Variants in CLMN observed in about 807,000 individuals in gnomAD.
CLMN encodes the protein calmin, also known as calmin (calponin-like, transmembrane).
A neutral mutation model predicts 92.7 loss-of-function variants in CLMN; 57 were observed. The observed-to-expected ratio is 0.61, with a 90% CI of 0.50 to 0.77. The LOEUF (loss-of-function observed/expected upper bound fraction) is 0.77. Among genes scored for constraint, CLMN ranks in the 30% least tolerant of loss-of-function variants. CLMN has a pLI of 0.00. For synonymous variants in CLMN, 466 were observed against 470.6 expected (o/e 0.99, Z 0.13); for missense variants, 1,158 against 1,237.5 (o/e 0.94, Z 0.96).
chr14:95,242,748 T>A (rs1372748958), intron 1 of CLMN, among the ~76,000 whole-genome samples: 1 of 151,562 alleles, frequency 6.6e-6, no homozygotes, highest in Non-Finnish European at 1.5e-5. Flanking sequence ...TTTGTATTTT[T>A]AGTAGAGACA....
intron 1 of CLMN, among the ~76,000 whole-genome samples, chr14:95,264,601 C>T (rs191871642): frequency 5.9e-5 from 9 of 152,242 alleles, no homozygotes; most frequent in African/African-American, 1.9e-4. Context: ...TCCAGGCCTC[C>T]CAGGGTCCAT....
intron 9 of CLMN, among the ~76,000 whole-genome samples, chr14:95,199,670 A>C (rs1403032477): frequency 1.3e-5 from 2 of 152,228 alleles, no homozygotes; most frequent in Non-Finnish European, 2.9e-5. Context: ...TAAGCACTCA[A>C]GGAGAGATTG....
At chr14:95,214,864 G>A (rs1335124539) in intron 5 of CLMN, among the ~76,000 whole-genome samples, 1 of 152,078 alleles carries the variant, frequency 6.6e-6, no homozygotes, top group Non-Finnish European at 1.5e-5. Flanking sequence ...TGCCCGTGTG[G>A]ATCACTTTCA....
intron 1 of CLMN, among the ~76,000 whole-genome samples, chr14:95,258,941 GTGAA>G (rs540695965): frequency 5.9e-4 from 90 of 151,328 alleles, no homozygotes; most frequent in Non-Finnish European, 1.1e-3. Context: ...TGGTTTGTGA[GTGAA>G]TGGAGTATGT....
At chr14:95,245,210 A>ATATATATATATAT (rs1369585311) in intron 1 of CLMN, among the ~76,000 whole-genome samples, 1,766 of 24,048 alleles carry the variant, frequency 0.073, 170 homozygotes, top group South Asian at 0.1. Flanking sequence ...TATATATATT[A>ATATATATATATAT]TATATATATA....
intron 1 of CLMN, among the ~76,000 whole-genome samples, chr14:95,258,649 G>A (rs565404039): frequency 2.1e-5 from 3 of 140,430 alleles, no homozygotes; most frequent in South Asian, 2.2e-4. Flanking sequence ...TGTGTGTGTG[G>A]AGGGTGTGTG....
Position 95,196,668 on chromosome 14 carries a change from G to C in CLMN, c.2538C>G (p.Asn846Lys). The C allele has an allele frequency of 1.2e-6, 2 of 1,613,162 alleles. No homozygotes were observed. Among genetic ancestry groups the C allele is most frequent in the South Asian group, 1.1e-5 (1 of 90,960 alleles). The part of the protein sequence containing the change: ...HQSQESPNLE[N>K]IANPLEENVT... ...CATTTTCTTCTAGGGGGTTTGCTATGTTTTCCAGGTTTGGGGATTCCTGGG... is the reference window on the plus strand; with the variant it reads ...CATTTTCTTCTAGGGGGTTTGCTATCTTTTCCAGGTTTGGGGATTCCTGGG... Residue 846 changes from asparagine (N) to lysine (K), a missense_variant, in exon 10 of 13, where the codon AAC (asparagine) becomes AAG (lysine). By Grantham distance (94) the Asn-to-Lys change is moderately conservative. Coordinates refer to ENST00000298912, the MANE Select transcript of CLMN (RefSeq NM_024734.4).
intron 2 of CLMN, among the ~76,000 whole-genome samples, chr14:95,225,274 A>G (rs754669435): frequency 2.6e-5 from 4 of 152,120 alleles, no homozygotes; most frequent in Non-Finnish European, 5.9e-5. Flanking sequence ...GACACACCTG[A>G]GTTCAAAGCC....
intron 1 of CLMN, among the ~76,000 whole-genome samples, chr14:95,269,975 C>T (rs182424832): frequency 4.0e-5 from 6 of 151,324 alleles, no homozygotes; most frequent in Middle Eastern, 3.4e-3. Context: ...GTTAAACCAC[C>T]GCGATTCGGA....
chr14:95,276,606 T>C (rs8019043), intron 1 of CLMN, among the ~76,000 whole-genome samples: 32,778 of 152,010 alleles, frequency 0.22, 4,059 homozygotes, highest in African/African-American at 0.34. Context: ...ACTTTTCTCT[T>C]TCTTTCTTTC....
intron 2 of CLMN, among the ~76,000 whole-genome samples, chr14:95,224,079 C>T (rs1276179326): frequency 6.6e-6 from 1 of 152,224 alleles, no homozygotes; most frequent in Non-Finnish European, 1.5e-5. Flanking sequence ...AGAAGATTCA[C>T]CAAGAGGGGG....
intron 1 of CLMN, among the ~76,000 whole-genome samples, chr14:95,270,609 GT>G (rs148069773): frequency 0.023 from 3,477 of 152,204 alleles, 151 homozygotes; most frequent in African/African-American, 0.08. Context: ...CGTTTTCAAG[GT>G]TTATCCATGG....
rs141378825 is a variant in CLMN at position 95,258,190 on chromosome 14, A to G, written c.83-28057T>C. ...GTATATGTGGGGTGTGTGTATATGT[A>G]TGCATAGTGCATATGATGTGGTGTG... On this transcript the variant is annotated intron_variant, in intron 1 of 12. Coordinates refer to ENST00000298912, the MANE Select transcript of CLMN (RefSeq NM_024734.4). Among the ~76,000 whole-genome samples, 538 of 151,386 alleles carry G rather than the reference A, an allele frequency of 3.6e-3. 2 individuals are homozygous for G. The highest frequency in any genetic ancestry group is 6.3e-3 in the Non-Finnish European group (425 of 67,838).
intron 1 of CLMN, among the ~76,000 whole-genome samples, chr14:95,248,581 AG>A (rs1261337356): frequency 6.6e-6 from 1 of 152,242 alleles, no homozygotes; most frequent in Non-Finnish European, 1.5e-5. Context: ...GGAAATCATT[AG>A]CAGAAGTATT....
chr14:95,215,813 CTCTGTGTGTGTGTGTGTG>C lies in CLMN; in HGVS notation c.325-98_325-81del, dbSNP rs878959984. 3,560 of 847,914 alleles carry C rather than the reference CTCTGTGTGTGTGTGTGTG, an allele frequency of 4.2e-3. 40 individuals carry two copies. Among genetic ancestry groups the C allele is most frequent in the South Asian group, 9.2e-3 (627 of 68,172 alleles). 52.5% of individuals were successfully genotyped at this position (847,914 alleles called of 1,614,324 possible). Reference sequence around the variant, plus strand: ...TGTTATTTTCTGGTTCTCTCTCTCTCTCTGTGTGTGTGTGTGTGTGTGTGTGTGTGTGTGTGTGTGTGT... The same window carrying C: ...TGTTATTTTCTGGTTCTCTCTCTCTCTGTGTGTGTGTGTGTGTGTGTGTGT... On this transcript the variant is annotated intron_variant, in intron 4 of 12. Coordinates refer to ENST00000298912, the MANE Select transcript of CLMN (RefSeq NM_024734.4).
intron 1 of CLMN, among the ~76,000 whole-genome samples, chr14:95,311,890 C>T (rs1432364391): frequency 6.6e-6 from 1 of 152,076 alleles, no homozygotes; most frequent in Non-Finnish European, 1.5e-5. Flanking sequence ...CATTCTCTGG[C>T]CTCCTGGGTA....
rs753485202 is a variant in CLMN, at chr14:95,191,520, C to T, written c.*44G>A. On this transcript the variant is annotated 3_prime_UTR_variant, in exon 13 of 13. Transcript: ENST00000298912. The surrounding 1 kb of genome is among the most constrained non-coding windows in gnomAD (Gnocchi z 5.3). ...CCCAAAATAAAATGAAGTAACCCCG[C>T]CCCTGGTCAGGGTCCTGTCTTTTTT... The T allele has an allele frequency of 1.3e-5, 20 of 1,539,582 alleles. No individual in the cohort carries two copies. Among genetic ancestry groups the T allele is most frequent in the African/African-American group, 5.6e-5 (4 of 71,806 alleles).
chr14:95,255,404 AG>A (rs1422191513), intron 1 of CLMN, among the ~76,000 whole-genome samples: 1 of 152,170 alleles, frequency 6.6e-6, no homozygotes, highest in East Asian at 1.9e-4. Flanking sequence ...CTTTCATTAC[AG>A]GGTCTTGTTA....
At chr14:95,196,366 T>TCTCG in intron 10 of CLMN, 132 bp downstream of exon 10, 1 of 871,346 alleles carries the variant, frequency 1.1e-6, no homozygotes, top group Non-Finnish European at 1.7e-6. Context: ...GAATGAGGAT[T>TCTCG]GTGTATGAAG....
Sources: gnomAD v4.1 joint callset for allele counts (sites outside exome capture counted in the v4.1 genomes callset) on GRCh38, gnomAD v4.1.1 for gene constraint, Gnocchi (gnomAD v3.1) non-coding constraint, MANE v1.5 for transcripts, NCBI Gene and HGNC (gene_info 2026-07-23, HGNC 2026-07-21) for gene names.